The following EXD3 variants were observed in gnomAD, a reference collection of about 807,000 sequenced individuals.
EXD3 encodes the protein exonuclease mut-7 homolog.
In EXD3, 92 loss-of-function variants were observed where a neutral mutation model predicts 98.0. The observed-to-expected ratio is 0.94, with a 90% CI of 0.79 to 1.12. The LOEUF (loss-of-function observed/expected upper bound fraction) is 1.12. EXD3 is among the 50% of genes most tolerant of loss of function. The pLI is 0.00. For missense variants in EXD3, 1,222 were observed against 1,191.6 expected, an observed-to-expected ratio of 1.03 and a Z score of -0.38; for synonymous variants, 569 against 526.0, an observed-to-expected ratio of 1.08 and a Z score of -1.12.
At chr9:137,378,951 T>C (rs1231781879) in intron 3 of EXD3, among the ~76,000 whole-genome samples, 2 of 130,930 alleles carry the variant, frequency 1.5e-5, no homozygotes, top group East Asian at 4.5e-4. Flanking sequence ...GGTTTGTGGG[T>C]GACGGTGACC....
At chr9:137,416,170 A>C (rs1260370080) in intron 1 of EXD3, among the ~76,000 whole-genome samples, 1 of 152,220 alleles carries the variant, frequency 6.6e-6, no homozygotes, top group Non-Finnish European at 1.5e-5. Flanking sequence ...TGGGACCCAC[A>C]GCCAGGGCTT....
intron 10 of EXD3, chr9:137,353,518 C>G (rs1457290489): frequency 1.0e-6 from 1 of 986,812 alleles, no homozygotes; most frequent in Non-Finnish European, 1.2e-6. Flanking sequence ...CAGGAGCAGA[C>G]AGAGGGGTGC....
chr9:137,370,672 T>C (rs1588368947), intron 5 of EXD3, among the ~76,000 whole-genome samples: 1 of 147,748 alleles, frequency 6.8e-6, no homozygotes, highest in South Asian at 2.2e-4. Flanking sequence ...ATTCCCCGGC[T>C]CCCCTGGGCC....
intron 17 of EXD3, among the ~76,000 whole-genome samples, chr9:137,329,648 T>C (rs1172490940): frequency 5.9e-4 from 7 of 11,906 alleles, no homozygotes; most frequent in Non-Finnish European, 5.8e-4. Context: ...TACACGGGAC[T>C]ACACGGGGCT....
At chr9:137,343,029 AG>A (rs1833730121) in intron 17 of EXD3, 1 of 152,442 alleles carries the variant, frequency 6.6e-6, no homozygotes, top group Non-Finnish European at 1.5e-5. Context: ...CTGAGGCAGG[AG>A]AATCGCTTGA....
At position 137,410,721 on chromosome 9, in the gene EXD3, C is replaced by T. The variant is rs956518666; in HGVS notation, c.-48+12393G>A. Among the ~76,000 whole-genome samples, 6 of 152,120 alleles carry T rather than the reference C, an allele frequency of 3.9e-5. No individual in the cohort carries two copies. The East Asian group carries it at 5.8e-4, about 15-fold the overall frequency. On this transcript the variant is annotated intron_variant, in intron 1 of 21. Transcript: ENST00000340951. The stretch of plus-strand genomic sequence containing the variant: ...CACAACGAGGAAGCCCCCCTGGGGG[C>T]GGCCTGGCATGGAGGAGGTGACCCA...
intron 8 of EXD3, 145 bp from the exon 9 acceptor site, chr9:137,354,918 C>T: frequency 2.6e-6 from 2 of 784,032 alleles, no homozygotes; most frequent in South Asian, 1.8e-5. Flanking sequence ...CCCCTCCTCA[C>T]CACCTGGGCC....
chr9:137,307,330 A>G (rs1271978829), intron 21 of EXD3, 67 bp from the exon 22 acceptor site: 5 of 1,438,654 alleles, frequency 3.5e-6, no homozygotes, highest in Non-Finnish European at 4.5e-6. Flanking sequence ...CTGCTCCCAG[A>G]GTGGTGCAGT....
At chr9:137,364,514 T>G (rs904318584) in intron 7 of EXD3, among the ~76,000 whole-genome samples, 3 of 151,624 alleles carry the variant, frequency 2.0e-5, no homozygotes, top group Admixed American at 6.6e-5. Flanking sequence ...CCCAGTTACT[T>G]GGGAGGCTGA....
chr9:137,383,341 G>C lies in EXD3; in HGVS notation c.92C>G (p.Thr31Ser), dbSNP rs1186441532. Residue 31 changes from threonine (T) to serine (S), a missense_variant, in exon 3 of 22, where the codon ACC becomes AGC. Physicochemically the swap from Thr to Ser is moderately conservative, Grantham distance 58. Transcript: ENST00000340951. ...DPLLLLQALQ[T>S]LWSTRERKQL... ...CTTCCGCTCCCGCGTGGACCACAGG[G>C]TCTGCAGGGCCTGCAGGAGCAGGAG... 1 of 1,550,594 alleles carries C rather than the reference G, an allele frequency of 6.4e-7. No homozygotes were observed. Among genetic ancestry groups the C allele is most frequent in the East Asian group, 2.4e-5 (1 of 41,004 alleles).
chr9:137,375,021 T>G (rs1374250562), intron 3 of EXD3: 1 of 273,054 alleles, frequency 3.7e-6, no homozygotes, highest in Non-Finnish European at 5.6e-6. Flanking sequence ...GTTTTGTTTT[T>G]TTTTTGAGAC....
At chr9:137,318,584 TC>T (rs1476000293) in intron 19 of EXD3, among the ~76,000 whole-genome samples, 1 of 151,960 alleles carries the variant, frequency 6.6e-6, no homozygotes, top group Non-Finnish European at 1.5e-5. Context: ...TAAAATATTT[TC>T]CCATGGTAGA....
chr9:137,336,060 T>A (rs1833338690), intron 17 of EXD3, among the ~76,000 whole-genome samples: 1 of 152,176 alleles, frequency 6.6e-6, no homozygotes, highest in Non-Finnish European at 1.5e-5. Flanking sequence ...TACTGCATGT[T>A]CTCACTTATA....
rs79678381 is a variant in EXD3, at chr9:137,335,233, T to C, written c.1999-11090A>G. The stretch of plus-strand genomic sequence containing the variant: ...AAAAACAAAGAATCCCATCAAAAAA[T>C]GGGCAAATGACACATGCATAGACAT... On this transcript the variant is annotated intron_variant, in intron 17 of 21. Coordinates refer to ENST00000340951, the MANE Select transcript of EXD3 (RefSeq NM_017820.5). Among the ~76,000 whole-genome samples, 550 of 151,768 alleles carry C rather than the reference T, an allele frequency of 3.6e-3. 21 individuals are homozygous for C. In the East Asian group the frequency reaches 0.083, roughly 23 times the overall value.
Position 137,354,117 on chromosome 9 carries a change from C to T in EXD3, c.870+222G>A, listed in dbSNP as rs1834472536. The T allele has an allele frequency of 5.2e-6, 7 of 1,343,332 alleles. No individual in the cohort carries two copies. The South Asian group carries it at 7.8e-5, about 15-fold the overall frequency. 83.2% of individuals were successfully genotyped at this position (1,343,332 alleles called of 1,614,324 possible). A position where few individuals can be genotyped will look rare whatever the true frequency, so the allele number is the denominator to read the frequency against. On this transcript the variant is annotated intron_variant, in intron 10 of 21. Coordinates refer to ENST00000340951, the MANE Select transcript of EXD3 (RefSeq NM_017820.5). ...ACGCTGCCGTCTGCCTGGAACGAGG[C>T]CCAGTCAGGCTCTACTGATGCCCTC...
At position 137,395,850 on chromosome 9, in the gene EXD3, C is replaced by T. The variant is rs759993649; in HGVS notation, c.-47-446G>A. The stretch of plus-strand genomic sequence containing the variant: ...TGCAGGACCAGGGACCTCGGAGTGA[C>T]GCCCTCACGGCTGACCCAGTACGCA... On this transcript the variant is annotated intron_variant, in intron 1 of 21. Coordinates refer to ENST00000340951, the MANE Select transcript of EXD3 (RefSeq NM_017820.5). The surrounding 1 kb of genome is among the most constrained non-coding windows in gnomAD (Gnocchi z 6.5). 1.3e-5 allele frequency among the ~76,000 whole-genome samples: 2 copies of T among 152,292 alleles called. No homozygotes were observed. Among genetic ancestry groups the T allele is most frequent in the South Asian group, 4.1e-4 (2 of 4,826 alleles).
intron 8 of EXD3, among the ~76,000 whole-genome samples, chr9:137,355,899 C>T (rs556344897): frequency 2.3e-4 from 35 of 152,242 alleles, no homozygotes; most frequent in Middle Eastern, 3.4e-3. Context: ...TGGTGTCCAA[C>T]GACACAGGCA....
rs531618938 is a variant in EXD3 at position 137,371,835 on chromosome 9, G to A, written c.462+1070C>T. The stretch of plus-strand genomic sequence containing the variant: ...CACCCTAGAATCTGCACTGGGATCT[G>A]GAATCTCAGGGCACCGAGAAGTCAT... On this transcript the variant is annotated intron_variant, in intron 5 of 21. Transcript: ENST00000340951. This position sits in a 1 kb window ranked among gnomAD's most constrained non-coding sequence, Gnocchi z 8.0. Among the ~76,000 whole-genome samples, 14 of 152,002 alleles carry A rather than the reference G, an allele frequency of 9.2e-5. No homozygotes were observed. The East Asian group carries it at 2.7e-3, about 30-fold the overall frequency.
chr9:137,400,549 T>C (rs983005161), intron 1 of EXD3, among the ~76,000 whole-genome samples: 5 of 152,034 alleles, frequency 3.3e-5, no homozygotes, highest in Non-Finnish European at 7.4e-5. Context: ...GTGGATCACC[T>C]GAGGTCGGGA....
Sources: allele counts gnomAD v4.1 joint callset (sites outside exome capture counted in the v4.1 genomes callset), GRCh38; gene constraint gnomAD v4.1.1; non-coding constraint Gnocchi (gnomAD v3.1); transcripts MANE v1.5; gene names NCBI Gene and HGNC (gene_info 2026-07-23, HGNC 2026-07-21).